NAA16: variants seen among roughly 807,000 people sequenced by gnomAD.
NAA16 encodes the protein N-alpha-acetyltransferase 16, NatA auxiliary subunit, also known as NARG1-like protein.
Under a neutral mutation model 110.3 loss-of-function variants are expected in NAA16, and 97 were observed. The observed-to-expected ratio is 0.88, with a 90% CI of 0.75 to 1.04. The LOEUF (loss-of-function observed/expected upper bound fraction) is 1.04, where lower values mean the gene tolerates loss of function less well. Among genes scored for constraint, NAA16 ranks in the 50% least tolerant of loss-of-function variants. The pLI is 0.00. For missense variants in NAA16, 1,017 were observed against 1,005.1 expected (o/e 1.01, Z -0.16); for synonymous variants, 372 against 330.6 (o/e 1.13, Z -1.36).
At position 41,358,853 on chromosome 13, in the gene NAA16, C is replaced by G. The variant is rs2043051049; in HGVS notation, c.1301C>G (p.Ala434Gly). 6.2e-7 allele frequency: 1 copy of G among 1,610,372 alleles called. No homozygotes were observed. The highest frequency in any genetic ancestry group is 1.3e-5 in the African/African-American group (1 of 74,970). The change falls in exon 12 of 20, where the codon GCA (alanine) becomes GGA (glycine). Residue 434 changes from alanine to glycine, a missense_variant. Transcript: ENST00000379406. ...LKEAAKWMDE[A>G]QSLDTADRFI... is the part of the protein sequence containing the mutation. ...GAAGCTGCAAAGTGGATGGATGAAG[C>G]ACAGTCTTTGGACACAGCTGATAGA...
At chr13:41,369,556 G>A (rs1449109046) in intron 15 of NAA16, among the ~76,000 whole-genome samples, 1 of 152,228 alleles carries the variant, frequency 6.6e-6, no homozygotes, top group African/African-American at 2.4e-5. Flanking sequence ...ACCTTACATG[G>A]CAAGGGAGAA....
chr13:41,372,091 T>C, intron 15 of NAA16, 112 bp from the exon 16 acceptor site: 1 of 909,466 alleles, frequency 1.1e-6, no homozygotes, highest in Non-Finnish European at 1.5e-6. Context: ...TTATTTGGTT[T>C]TATAAAGAAA....
chr13:41,342,084 G>A (rs1310668248), intron 9 of NAA16, among the ~76,000 whole-genome samples: 1 of 150,886 alleles, frequency 6.6e-6, no homozygotes, highest in Non-Finnish European at 1.5e-5. Flanking sequence ...CGCCCGCCTC[G>A]GCCTCCCAAA....
rs370312095 is a variant in NAA16 at position 41,323,185 on chromosome 13, C to G, written c.532C>G (p.Gln178Glu). Residue 178 changes from glutamine to glutamate, a missense_variant, in exon 5 of 20, where the codon CAG becomes GAG. Coordinates refer to ENST00000379406, the MANE Select transcript of NAA16 (RefSeq NM_024561.5). ...LKLLEEFRQT[Q>E]QVPPNKIDYE... ...ACTGTTGGAAGAATTTAGACAAACT[C>G]AGCAAGTAAGAATTTTAATGTTTCC... The G allele has an allele frequency of 2.5e-6, 4 of 1,613,184 alleles. No homozygotes were observed. The African/African-American group carries it at 5.3e-5, about 22-fold the overall frequency.
Position 41,362,071 on chromosome 13 carries a change from G to A in NAA16, c.1451G>A (p.Cys484Tyr). ...ATGGAAAATCTAAATGAAATGCAGT[G>A]TATGTGGTTTCAGACAGAATGCATT... ...SAMENLNEMQ[C>Y]MWFQTECISA... The change falls in exon 13 of 20, where the codon TGT (cysteine) becomes TAT (tyrosine). Residue 484 changes from cysteine (C) to tyrosine (Y), a missense_variant. Physicochemically the swap from Cys to Tyr is radical, Grantham distance 194. Transcript: ENST00000379406. The A allele has an allele frequency of 1.2e-6, 2 of 1,611,702 alleles. No homozygotes were observed. The highest frequency in any genetic ancestry group is 1.7e-6 in the Non-Finnish European group (2 of 1,179,118).
At chr13:41,322,717 G>A (rs1444770727) in intron 4 of NAA16, among the ~76,000 whole-genome samples, 1 of 151,896 alleles carries the variant, frequency 6.6e-6, no homozygotes, top group Non-Finnish European at 1.5e-5. Flanking sequence ...AGTTTTATAA[G>A]TAGCAAAATG....
chr13:41,316,113 T>A (rs1048181214), intron 1 of NAA16, among the ~76,000 whole-genome samples: 1 of 151,998 alleles, frequency 6.6e-6, no homozygotes, highest in Admixed American at 6.6e-5. Context: ...CAGTATTGAT[T>A]GGTGAATTGT....
intron 1 of NAA16, 62 bp downstream of exon 1, chr13:41,311,644 A>G: frequency 6.6e-7 from 1 of 1,517,266 alleles, no homozygotes; most frequent in South Asian, 1.2e-5. Flanking sequence ...CTTAAGGGCA[A>G]GCGGTCTGGC....
At chr13:41,368,292 T>C (rs1433436150) in intron 14 of NAA16, among the ~76,000 whole-genome samples, 1 of 152,184 alleles carries the variant, frequency 6.6e-6, no homozygotes. Flanking sequence ...TAGGTAACTA[T>C]CTCAGATATT....
intron 15 of NAA16, among the ~76,000 whole-genome samples, chr13:41,370,299 T>C (rs1448692295): frequency 6.6e-6 from 1 of 152,058 alleles, no homozygotes; most frequent in East Asian, 1.9e-4. Context: ...AGAAAATCAT[T>C]GAGGAGAAGA....
rs185382817 is a variant in NAA16, at chr13:41,356,347, T to A, written c.1087+1131T>A. On this transcript the variant is annotated intron_variant, in intron 10 of 19. Coordinates refer to ENST00000379406, the MANE Select transcript of NAA16 (RefSeq NM_024561.5). ...CTCTATGAGTTTTTTTAAGGCACAT[T>A]CCAGACTTACTGTTTCATCTGTAAA... Among the ~76,000 whole-genome samples, 28 of 152,246 alleles carry A rather than the reference T, an allele frequency of 1.8e-4. 1 individual carries two copies. The highest frequency in any genetic ancestry group is 1.8e-3 in the Admixed American group (27 of 15,292).
At chr13:41,338,636 T>C (rs1282155846) in intron 9 of NAA16, among the ~76,000 whole-genome samples, 1 of 152,188 alleles carries the variant, frequency 6.6e-6, no homozygotes, top group Admixed American at 6.5e-5. Flanking sequence ...CTAAGAACTG[T>C]TTCTCAAATA....
At chr13:41,341,172 T>G (rs1173417986) in intron 9 of NAA16, among the ~76,000 whole-genome samples, 1 of 152,210 alleles carries the variant, frequency 6.6e-6, no homozygotes, top group Non-Finnish European at 1.5e-5. Flanking sequence ...GTCTATTAGG[T>G]CTGCTTGGTA....
At chr13:41,345,853 C>T (rs9594526) in intron 9 of NAA16, among the ~76,000 whole-genome samples, 12,015 of 152,244 alleles carry the variant, frequency 0.079, 562 homozygotes, top group East Asian at 0.2. Flanking sequence ...GGATTACAGG[C>T]GTGAGCCAGC....
chr13:41,349,823 GCT>G (rs2042778708), intron 9 of NAA16, among the ~76,000 whole-genome samples: 2 of 151,920 alleles, frequency 1.3e-5, no homozygotes, highest in African/African-American at 4.8e-5. Flanking sequence ...AAAAAAGTTA[GCT>G]GGGCGTGGTG....
intron 9 of NAA16, among the ~76,000 whole-genome samples, chr13:41,347,317 G>C (rs1380787758): frequency 6.6e-6 from 1 of 151,372 alleles, no homozygotes; most frequent in Non-Finnish European, 1.5e-5. Flanking sequence ...TGTTTTTCAA[G>C]ACTATTTTGG....
chr13:41,372,629 A>G, intron 16 of NAA16, 103 bp from the exon 17 acceptor site: 2 of 1,338,576 alleles, frequency 1.5e-6, no homozygotes, highest in Non-Finnish European at 1.9e-6. Flanking sequence ...AGTGTTATAA[A>G]AAAGGTAGCA....
At chr13:41,346,144 C>CTG (rs2042675259) in intron 9 of NAA16, among the ~76,000 whole-genome samples, 2 of 152,206 alleles carry the variant, frequency 1.3e-5, no homozygotes, top group African/African-American at 4.8e-5. Flanking sequence ...GGCATTCACT[C>CTG]TGAGTTCATT....
intron 1 of NAA16, among the ~76,000 whole-genome samples, chr13:41,311,893 C>T (rs1035600392): frequency 2.6e-5 from 4 of 152,246 alleles, no homozygotes; most frequent in Admixed American, 6.5e-5. Context: ...TAGTGGCTGC[C>T]GTGCTCTCTG....
Sources: gnomAD v4.1 joint callset for allele counts (sites outside exome capture counted in the v4.1 genomes callset) on GRCh38, gnomAD v4.1.1 for gene constraint, MANE v1.5 for transcripts, NCBI Gene and HGNC (gene_info 2026-07-23, HGNC 2026-07-21) for gene names.